The following DNMBP variants were observed in gnomAD, a reference collection of about 807,000 sequenced individuals.
The protein encoded by DNMBP is dynamin binding protein.
Under a neutral mutation model 150.0 loss-of-function variants are expected in DNMBP, and 87 were observed. The observed-to-expected ratio is 0.58, with a 90% CI of 0.49 to 0.69. DNMBP has a LOEUF of 0.69. Among genes scored for constraint, DNMBP ranks in the 30% least tolerant of loss-of-function variants. The probability of loss-of-function intolerance (pLI) is 0.00; values close to 1 mark genes in which losing one functional copy is unlikely to be tolerated. For missense variants in DNMBP, 1,774 were observed against 1,949.0 expected, an observed-to-expected ratio of 0.91 and a Z score of 1.69; for synonymous variants, 711 against 750.4, an observed-to-expected ratio of 0.95 and a Z score of 0.86.
At chr10:99,983,350 T>C (rs1340092620) in intron 1 of DNMBP, among the ~76,000 whole-genome samples, 1 of 152,182 alleles carries the variant, frequency 6.6e-6, no homozygotes, top group Non-Finnish European at 1.5e-5. Flanking sequence ...AATGAGTAAT[T>C]TTTTCCCTTC....
At chr10:99,906,838 A>C (rs2039832448) in intron 6 of DNMBP, among the ~76,000 whole-genome samples, 1 of 152,230 alleles carries the variant, frequency 6.6e-6, no homozygotes, top group African/African-American at 2.4e-5. Context: ...AGAAGCAGCG[A>C]GGTAATACAT....
At chr10:99,929,953 A>C (rs2040129259) in intron 4 of DNMBP, 2 of 702,922 alleles carry the variant, frequency 2.8e-6, no homozygotes, top group Non-Finnish European at 5.2e-6. Context: ...TTTGCAAATA[A>C]AGCATCATAG....
intron 4 of DNMBP, among the ~76,000 whole-genome samples, chr10:99,951,193 A>G (rs1307636286): frequency 6.6e-6 from 1 of 152,258 alleles, no homozygotes; most frequent in Admixed American, 6.5e-5. Flanking sequence ...GCGGGTGCAC[A>G]GAAGAACTGA....
At chr10:99,998,985 CTGGA>C (rs2040981994) in intron 1 of DNMBP, among the ~76,000 whole-genome samples, 1 of 152,144 alleles carries the variant, frequency 6.6e-6, no homozygotes, top group Non-Finnish European at 1.5e-5. Flanking sequence ...AGAATGCTAC[CTGGA>C]TGATTTCAGA....
chr10:99,968,178 T>C (rs1241489418), intron 3 of DNMBP, among the ~76,000 whole-genome samples: 2 of 152,152 alleles, frequency 1.3e-5, no homozygotes, highest in African/African-American at 2.4e-5. Context: ...TAAGTATGAC[T>C]ATCTGTTTTA....
chr10:100,007,218 T>C lies in DNMBP; in HGVS notation c.-11+2620A>G, dbSNP rs577538203. Among the ~76,000 whole-genome samples the C allele has an allele frequency of 2.6e-5, 4 of 152,242 alleles. No homozygotes were observed. In the South Asian group the frequency reaches 8.3e-4, roughly 32 times the overall value. On this transcript the variant is annotated intron_variant, in intron 1 of 16. Coordinates refer to ENST00000324109, the MANE Select transcript of DNMBP (RefSeq NM_015221.4). ...CATACACACACACACACTCTTACCC[T>C]TTCCTGACTCTAAAGTTCTCCACAG...
chr10:99,991,139 C>A (rs2040886756), intron 1 of DNMBP, among the ~76,000 whole-genome samples: 1 of 150,958 alleles, frequency 6.6e-6, no homozygotes, highest in African/African-American at 2.4e-5. Context: ...AGTGCAGTGG[C>A]GTGATCTCGG....
Position 99,988,078 on chromosome 10 carries a change from T to TA in DNMBP, c.-10-15945dup, listed in dbSNP as rs11356931. Among the ~76,000 whole-genome samples the TA allele has an allele frequency of 7.4e-3, 1,108 of 149,508 alleles. 13 individuals are homozygous for TA. Among genetic ancestry groups the TA allele is most frequent in the African/African-American group, 0.025 (1,023 of 40,936 alleles). On this transcript the variant is annotated intron_variant, in intron 1 of 16. Transcript: ENST00000324109. ...TTCTGCAGTGTTTCATTTTGCTTAA[T>TA]AAAAAAAAAAATCATGAATAGTTGT... is the stretch of plus-strand genomic sequence containing the variant.
At position 99,990,772 on chromosome 10, in the gene DNMBP, TACACATATATAC is replaced by T. The variant is rs1187739895; in HGVS notation, c.-10-18650_-10-18639del. Among the ~76,000 whole-genome samples, 43 of 111,622 alleles carry T rather than the reference TACACATATATAC, an allele frequency of 3.9e-4. No individual in the cohort carries two copies. In the East Asian group the frequency reaches 4.8e-3, roughly 12 times the overall value. The allele number at this position is 111,622 out of a possible 152,430, so 73.2% of individuals were successfully genotyped here. A position where few individuals can be genotyped will look rare whatever the true frequency, so the allele number is the denominator to read the frequency against. ...GTATATACACATATATACACATATATACACATATATACACACATATATACACACATATATACA... is the reference window on the plus strand; with the variant it reads ...GTATATACACATATATACACATATATACACATATATACACACATATATACA... On this transcript the variant is annotated intron_variant, in intron 1 of 16. Transcript: ENST00000324109.
intron 3 of DNMBP, among the ~76,000 whole-genome samples, chr10:99,968,372 T>C (rs1268291882): frequency 6.6e-6 from 1 of 151,930 alleles, no homozygotes; most frequent in Non-Finnish European, 1.5e-5. Context: ...TATCAGTTTT[T>C]AAAAGAAAAA....
In DNMBP at chr10:99,880,294, G is replaced by A. The variant is rs772018180; in HGVS notation, c.4065C>T (p.Ala1355=). 13 of 1,613,584 alleles carry A rather than the reference G, an allele frequency of 8.1e-6. 1 individual carries two copies. The East Asian group carries it at 2.9e-4, about 36-fold the overall frequency. Residue 1355 remains alanine, a synonymous_variant, in exon 16 of 17, where the codon GCC becomes GCT. Transcript: ENST00000324109. ...CTGTGGAGGAGTGGCTACCCACGGA[G>A]GCATCGGAGTGGCTGCGGCGAGGAT... ...PYNPRRSHSD[A]SVGSHSSTES...
At chr10:99,984,509 T>C (rs767548171) in intron 1 of DNMBP, among the ~76,000 whole-genome samples, 1 of 152,240 alleles carries the variant, frequency 6.6e-6, no homozygotes, top group Non-Finnish European at 1.5e-5. Context: ...GGTGTGGCTA[T>C]AGATAACAAA....
intron 4 of DNMBP, among the ~76,000 whole-genome samples, chr10:99,924,880 C>A (rs2040060993): frequency 6.6e-6 from 1 of 152,176 alleles, no homozygotes; most frequent in Non-Finnish European, 1.5e-5. Context: ...GGGAGAAAGA[C>A]AAAACAGAAG....
chr10:99,992,639 G>C (rs1409924474), intron 1 of DNMBP, among the ~76,000 whole-genome samples: 1 of 150,408 alleles, frequency 6.6e-6, no homozygotes, highest in Non-Finnish European at 1.5e-5. Flanking sequence ...CCATTCTCCT[G>C]CCTTAGCCTC....
chr10:99,898,958 C>T (rs1589405210), intron 7 of DNMBP, among the ~76,000 whole-genome samples, 198 bp from the exon 8 acceptor site: 4 of 152,056 alleles, frequency 2.6e-5, no homozygotes, highest in East Asian at 1.9e-4. Context: ...TTTGGGAGGC[C>T]GAGGCGGGTG....
chr10:99,879,568 T>C (rs1183816453), intron 16 of DNMBP, among the ~76,000 whole-genome samples: 2 of 152,376 alleles, frequency 1.3e-5, no homozygotes, highest in African/African-American at 2.4e-5. Context: ...GTTGTCATTA[T>C]AGCACCTTTT....
intron 15 of DNMBP, among the ~76,000 whole-genome samples, chr10:99,881,131 G>A (rs1292373440): frequency 2.0e-5 from 3 of 152,096 alleles, no homozygotes; most frequent in Non-Finnish European, 4.4e-5. Context: ...AGGAGGCTAA[G>A]GCAGGAGAAT....
chr10:99,887,383 C>T (rs1196513722), intron 12 of DNMBP, among the ~76,000 whole-genome samples: 1 of 152,000 alleles, frequency 6.6e-6, no homozygotes, highest in African/African-American at 2.4e-5. Context: ...AAAAATTAGG[C>T]AGGTATGGTG....
intron 4 of DNMBP, among the ~76,000 whole-genome samples, chr10:99,933,722 CTTG>C (rs947152005): frequency 1.5e-4 from 23 of 152,162 alleles, no homozygotes; most frequent in African/African-American, 2.9e-4. Flanking sequence ...GGAAAAATCA[CTTG>C]TTGTTGTTTT....
Sources: gnomAD v4.1 joint callset for allele counts (sites outside exome capture counted in the v4.1 genomes callset) on GRCh38, gnomAD v4.1.1 for gene constraint, MANE v1.5 for transcripts, NCBI Gene and HGNC (gene_info 2026-07-23, HGNC 2026-07-21) for gene names.